RIMS2: variants seen among roughly 807,000 people sequenced by gnomAD.
RIMS2 encodes regulating synaptic membrane exocytosis 2.
Under a neutral mutation model 174.4 loss-of-function variants are expected in RIMS2, and 59 were observed. That is an observed-to-expected ratio of 0.34 (90% CI 0.27 to 0.42). RIMS2 has a LOEUF of 0.42. Among genes scored for constraint, RIMS2 ranks in the 10% least tolerant of loss-of-function variants. The pLI, the probability that RIMS2 is intolerant of heterozygous loss-of-function variation, is 1.00. For missense variants in RIMS2, 1,620 were observed against 1,666.3 expected, an observed-to-expected ratio of 0.97 and a Z score of 0.48; for synonymous variants, 606 against 572.5, an observed-to-expected ratio of 1.06 and a Z score of -0.84.
intron 15 of RIMS2, among the ~76,000 whole-genome samples, chr8:103,974,940 A>G (rs2093285365): frequency 6.6e-6 from 1 of 152,214 alleles, no homozygotes; most frequent in Non-Finnish European, 1.5e-5. Flanking sequence ...AAAAGATGTT[A>G]ATGTTTAGGA....
At chr8:103,827,019 G>C (rs1593246006) in intron 3 of RIMS2, among the ~76,000 whole-genome samples, 2 of 152,006 alleles carry the variant, frequency 1.3e-5, no homozygotes, top group African/African-American at 4.8e-5. Flanking sequence ...GATTTGAAAA[G>C]TTTGCTGGGA....
intron 3 of RIMS2, among the ~76,000 whole-genome samples, chr8:103,864,964 T>A (rs2154503923): frequency 1.3e-5 from 2 of 152,222 alleles, no homozygotes; most frequent in Middle Eastern, 6.8e-3. Context: ...GAGTTGAGCT[T>A]TATATTCAGA....
chr8:103,972,112 C>A (rs2092949859), intron 15 of RIMS2, among the ~76,000 whole-genome samples: 1 of 152,120 alleles, frequency 6.6e-6, no homozygotes, highest in African/African-American at 2.4e-5. Context: ...TGTATATCTC[C>A]AGTCAATTCT....
chr8:103,819,961 T>C (rs2098741764), intron 3 of RIMS2, among the ~76,000 whole-genome samples: 1 of 152,120 alleles, frequency 6.6e-6, no homozygotes, highest in Non-Finnish European at 1.5e-5. Flanking sequence ...GTGATTACAT[T>C]GCATATATAA....
At chr8:103,813,296 A>G (rs1288432512) in intron 3 of RIMS2, among the ~76,000 whole-genome samples, 1 of 152,058 alleles carries the variant, frequency 6.6e-6, no homozygotes, top group African/African-American at 2.4e-5. Flanking sequence ...TCTTTCATTT[A>G]ATTTTTGAGT....
chr8:103,776,289 G>T (rs978890664), intron 3 of RIMS2, among the ~76,000 whole-genome samples: 2 of 152,088 alleles, frequency 1.3e-5, no homozygotes, highest in African/African-American at 2.4e-5. Context: ...CTAAAACGAA[G>T]TGTGATAGAA....
chr8:103,633,097 G>T (rs1263276728), intron 1 of RIMS2, among the ~76,000 whole-genome samples: 2 of 150,408 alleles, frequency 1.3e-5, no homozygotes, highest in Non-Finnish European at 3.0e-5. Flanking sequence ...TGCAATCTCG[G>T]CTCACTGCAA....
chr8:103,701,910 C>CTTCAGTATGTT (rs1310004620), intron 2 of RIMS2, among the ~76,000 whole-genome samples: 3 of 152,038 alleles, frequency 2.0e-5, no homozygotes, highest in Non-Finnish European at 2.9e-5. Context: ...ACAGGTATCT[C>CTTCAGTATGTT]TTCAGTATGT....
intron 19 of RIMS2, among the ~76,000 whole-genome samples, chr8:104,016,328 G>T (rs548793488): frequency 4.6e-5 from 7 of 151,930 alleles, no homozygotes; most frequent in African/African-American, 1.7e-4. Context: ...TATTAAATTC[G>T]TATTTCTGTA....
chr8:103,617,557 A>G (rs995000407), intron 1 of RIMS2, among the ~76,000 whole-genome samples: 3 of 152,146 alleles, frequency 2.0e-5, no homozygotes, highest in East Asian at 3.8e-4. Context: ...GAAACTATCA[A>G]CAGAGTAAAC....
In RIMS2 at chr8:103,989,608, T is replaced by C. The variant is rs188893666; in HGVS notation, c.3044+187T>C. On this transcript the variant is annotated intron_variant, in intron 17 of 23. Transcript: ENST00000504942. ...AAAGGTAAATAAATACAAACAACCT[T>C]TTCTCTGGTAAGAAAAAAACAAAAT... 2.0e-3 allele frequency among the ~76,000 whole-genome samples: 300 copies of C among 152,320 alleles called. 1 individual carries two copies. Among genetic ancestry groups the C allele is most frequent in the Non-Finnish European group, 2.1e-3 (143 of 68,008 alleles).
At chr8:104,130,196 T>A (rs1440482145) in intron 19 of RIMS2, among the ~76,000 whole-genome samples, 1 of 152,188 alleles carries the variant, frequency 6.6e-6, no homozygotes, top group Non-Finnish European at 1.5e-5. Flanking sequence ...AGAATTTCCA[T>A]AATGGATATA....
intron 19 of RIMS2, among the ~76,000 whole-genome samples, chr8:104,117,354 A>G (rs888957238): frequency 5.3e-5 from 8 of 152,116 alleles, no homozygotes. Context: ...GGACTTTAAA[A>G]TTTATATAAG....
chr8:104,144,208 C>T (rs1372403100), intron 19 of RIMS2, among the ~76,000 whole-genome samples: 2 of 152,114 alleles, frequency 1.3e-5, no homozygotes, highest in Non-Finnish European at 2.9e-5. Context: ...ATAAATCAAT[C>T]TCTGTATTGG....
intron 10 of RIMS2, among the ~76,000 whole-genome samples, chr8:103,924,398 G>T (rs2078321290): frequency 6.6e-6 from 1 of 151,474 alleles, no homozygotes; most frequent in Non-Finnish European, 1.5e-5. Context: ...ATGCTATCTT[G>T]TATATAATAG....
intron 1 of RIMS2, among the ~76,000 whole-genome samples, chr8:103,622,525 G>C (rs2095660374): frequency 6.6e-6 from 1 of 151,882 alleles, no homozygotes; most frequent in Non-Finnish European, 1.5e-5. Flanking sequence ...ACATTTTTAA[G>C]ATGCCATCTG....
intron 1 of RIMS2, among the ~76,000 whole-genome samples, chr8:103,628,754 TAAA>T (rs200221962): frequency 7.0e-5 from 8 of 115,072 alleles, no homozygotes; most frequent in Admixed American, 1.8e-4. Context: ...AGACCCATAT[TAAA>T]AAAAAAAAAA....
At chr8:103,700,602 G>A (rs2097156368) in intron 2 of RIMS2, among the ~76,000 whole-genome samples, 1 of 151,520 alleles carries the variant, frequency 6.6e-6, no homozygotes, top group African/African-American at 2.4e-5. Flanking sequence ...CCTTTTAATT[G>A]GATGTTTATA....
intron 1 of RIMS2, among the ~76,000 whole-genome samples, chr8:103,612,833 T>G (rs1269342326): frequency 6.6e-6 from 1 of 152,118 alleles, no homozygotes; most frequent in Admixed American, 6.5e-5. Flanking sequence ...GCCTCCAAAG[T>G]GCTGGGATTA....
Sources: allele counts gnomAD v4.1 joint callset (sites outside exome capture counted in the v4.1 genomes callset), GRCh38; gene constraint gnomAD v4.1.1; transcripts MANE v1.5; gene names NCBI Gene and HGNC (gene_info 2026-07-23, HGNC 2026-07-21).